ARNT: variants seen among roughly 807,000 people sequenced by gnomAD.
The protein encoded by ARNT is class E basic helix-loop-helix protein 2.
In ARNT, 30 loss-of-function variants were observed where a neutral mutation model predicts 105.0. That is an observed-to-expected ratio of 0.29 (90% CI 0.21 to 0.39). The LOEUF (loss-of-function observed/expected upper bound fraction) is 0.39. ARNT is among the 10% of genes least tolerant of loss of function. ARNT has a pLI of 1.00. For missense variants in ARNT, 748 were observed against 978.7 expected (o/e 0.76, Z 3.15); for synonymous variants, 304 against 344.0 (o/e 0.88, Z 1.29).
At chr1:150,821,257 TA>T (rs757035643) in intron 14 of ARNT, among the ~76,000 whole-genome samples, 2 of 152,246 alleles carry the variant, frequency 1.3e-5, no homozygotes, top group Non-Finnish European at 2.9e-5. Flanking sequence ...CTTTTTCTTA[TA>T]ATGTCATGAC....
chr1:150,814,471 G>T (rs966913713), intron 19 of ARNT, among the ~76,000 whole-genome samples: 3 of 152,082 alleles, frequency 2.0e-5, no homozygotes, highest in East Asian at 3.8e-4. Flanking sequence ...AATAAAAATT[G>T]TAAGAATTAA....
intron 21 of ARNT, 30 bp from the exon 22 acceptor site, chr1:150,812,140 C>T: frequency 5.3e-6 from 8 of 1,511,834 alleles, no homozygotes; most frequent in Non-Finnish European, 7.2e-6. Flanking sequence ...AAGTTTGGGT[C>T]ACACACCTTG....
intron 3 of ARNT, among the ~76,000 whole-genome samples, chr1:150,849,327 C>T (rs1461619751): frequency 6.6e-6 from 1 of 152,002 alleles, no homozygotes; most frequent in Non-Finnish European, 1.5e-5. Context: ...GTACAGACTA[C>T]CTGGGTAATA....
In ARNT at chr1:150,860,506, G is replaced by A. The variant is rs111852879; in HGVS notation, c.26-2046C>T. Among the ~76,000 whole-genome samples the A allele has an allele frequency of 7.7e-3, 1,168 of 151,140 alleles. 6 individuals carry two copies. The highest frequency in any genetic ancestry group is 0.011 in the Non-Finnish European group (717 of 67,786). ...GCTAGGATTACAGGCATGAGCCACCGTGCCCAGCAGAAAAAAAAATTTTCG... is the reference window on the plus strand; with the variant it reads ...GCTAGGATTACAGGCATGAGCCACCATGCCCAGCAGAAAAAAAAATTTTCG... On this transcript the variant is annotated intron_variant, in intron 1 of 21. Coordinates refer to ENST00000358595, the MANE Select transcript of ARNT (RefSeq NM_001668.4).
chr1:150,864,778 A>T (rs587721819), intron 1 of ARNT, among the ~76,000 whole-genome samples: 37 of 148,172 alleles, frequency 2.5e-4, no homozygotes, highest in East Asian at 3.9e-4. Flanking sequence ...ATAAATAAAT[A>T]AATAAATAAA....
rs1386729618 is a variant in ARNT, at chr1:150,858,359, G to T, written c.127C>A (p.Arg43=). ...GGAIVQRAIK[R]RPGLDFDDDG... is the part of the protein sequence containing the mutation. ...TACACTCAAACTCACCCTGGTCGCC[G>T]CTTAATAGCCCTCTGGACAATGGCT... Residue 43 remains arginine, a synonymous_variant, in exon 2 of 22, where the codon CGG becomes AGG. Coordinates refer to ENST00000358595, the MANE Select transcript of ARNT (RefSeq NM_001668.4). 2 of 1,605,910 alleles carry T rather than the reference G, an allele frequency of 1.2e-6. No homozygotes were observed. The highest frequency in any genetic ancestry group is 1.7e-6 in the Non-Finnish European group (2 of 1,175,764).
chr1:150,864,750 C>A (rs1666243838), intron 1 of ARNT, among the ~76,000 whole-genome samples: 4 of 131,966 alleles, frequency 3.0e-5, no homozygotes, highest in Non-Finnish European at 6.6e-5. Context: ...TACCCTAAAA[C>A]TTAAAGTATA....
At position 150,813,353 on chromosome 1, in the gene ARNT, A is replaced by C. The variant is rs1655135279; in HGVS notation, c.2114-15T>G. On this transcript the variant is annotated splice_polypyrimidine_tract_variant and intron_variant, in intron 20 of 21. Coordinates refer to ENST00000358595, the MANE Select transcript of ARNT (RefSeq NM_001668.4). ...AGTCTCAGGAGCTAGAAATACAGCA[A>C]GGAAGAATAAACAACTCCAATCTAC... is the stretch of plus-strand genomic sequence containing the variant. 4.4e-6 allele frequency: 7 copies of C among 1,588,122 alleles called. No homozygotes were observed. The highest frequency in any genetic ancestry group is 1.7e-4 in the Middle Eastern group (1 of 5,952).
At chr1:150,844,459 T>C (rs1262374925) in intron 4 of ARNT, among the ~76,000 whole-genome samples, 1 of 152,206 alleles carries the variant, frequency 6.6e-6, no homozygotes, top group African/African-American at 2.4e-5. Flanking sequence ...CACTCCAGAA[T>C]AGTTTTTAAC....
intron 6 of ARNT, among the ~76,000 whole-genome samples, chr1:150,838,649 A>T (rs1361520039): frequency 2.6e-5 from 4 of 152,242 alleles, no homozygotes; most frequent in Admixed American, 6.5e-5. Flanking sequence ...CTTGATTGAT[A>T]CTGAAGTAAA....
At chr1:150,829,543 C>G in intron 11 of ARNT, 1 of 589,974 alleles carries the variant, frequency 1.7e-6, no homozygotes, top group Non-Finnish European at 3.2e-6. Flanking sequence ...AGAAACTTAT[C>G]TATACTTATG....
At chr1:150,871,154 T>C (rs1200453603) in intron 1 of ARNT, among the ~76,000 whole-genome samples, 4 of 152,108 alleles carry the variant, frequency 2.6e-5, no homozygotes, top group Non-Finnish European at 5.9e-5. Context: ...CAGCCTGGCA[T>C]ATAGAAGGAA....
At chr1:150,846,607 GT>G (rs1231323636) in intron 3 of ARNT, among the ~76,000 whole-genome samples, 1 of 151,290 alleles carries the variant, frequency 6.6e-6, no homozygotes, top group East Asian at 1.9e-4. Context: ...TTAGTTTTGG[GT>G]TTTTTTTTAA....
At chr1:150,816,142 G>T (rs587651790) in intron 19 of ARNT, 117 bp downstream of exon 19, 1 of 1,292,608 alleles carries the variant, frequency 7.7e-7, no homozygotes, top group East Asian at 2.7e-5. Flanking sequence ...ATTGGAAACC[G>T]GAGAACAGGG....
intron 1 of ARNT, among the ~76,000 whole-genome samples, chr1:150,865,840 T>C (rs1409383460): frequency 6.6e-6 from 1 of 152,238 alleles, no homozygotes; most frequent in Non-Finnish European, 1.5e-5. Flanking sequence ...GCCTATCTTC[T>C]AGTGGATTCC....
intron 14 of ARNT, among the ~76,000 whole-genome samples, chr1:150,821,030 C>T (rs958750645): frequency 1.3e-5 from 2 of 152,046 alleles, no homozygotes; most frequent in East Asian, 3.8e-4. Context: ...GTATGTTGTA[C>T]GTATTATGTA....
intron 11 of ARNT, 66 bp downstream of exon 11, chr1:150,829,838 C>A: frequency 6.6e-7 from 1 of 1,508,616 alleles, no homozygotes; most frequent in South Asian, 1.2e-5. Flanking sequence ...AGAAAATTAA[C>A]AGGAATGAGT....
At chr1:150,833,234 T>C (rs1227760610) in intron 8 of ARNT, among the ~76,000 whole-genome samples, 1 of 152,206 alleles carries the variant, frequency 6.6e-6, no homozygotes, top group Non-Finnish European at 1.5e-5. Flanking sequence ...CTGGGTGCAG[T>C]GGTTCAGGCC....
intron 19 of ARNT, 27 bp from the exon 20 acceptor site, chr1:150,814,266 G>A: frequency 6.2e-7 from 1 of 1,609,000 alleles, no homozygotes. Flanking sequence ...AGGGGATATA[G>A]AACAAATACA....
Sources: allele counts gnomAD v4.1 joint callset (sites outside exome capture counted in the v4.1 genomes callset), GRCh38; gene constraint gnomAD v4.1.1; transcripts MANE v1.5; gene names NCBI Gene and HGNC (gene_info 2026-07-23, HGNC 2026-07-21).